TMEM132C: variants seen among roughly 807,000 people sequenced by gnomAD.
TMEM132C encodes the protein protein phosphatase 1, regulatory subunit 152.
A neutral mutation model predicts 61.4 loss-of-function variants in TMEM132C; 29 were observed. That is an observed-to-expected ratio of 0.47 (90% CI 0.35 to 0.64). TMEM132C has a LOEUF of 0.64. Ranked by LOEUF, TMEM132C falls within the 30% of genes least tolerant of loss-of-function variation. The pLI is 0.00. For synonymous variants in TMEM132C, 656 were observed against 633.1 expected, an observed-to-expected ratio of 1.04 and a Z score of -0.54; for missense variants, 1,408 against 1,476.9, an observed-to-expected ratio of 0.95 and a Z score of 0.76.
chr12:128,317,879 T>C (rs1468282915), intron 1 of TMEM132C, among the ~76,000 whole-genome samples: 3 of 152,196 alleles, frequency 2.0e-5, no homozygotes, highest in African/African-American at 7.2e-5. Flanking sequence ...TCCTGGGTGA[T>C]AGAGTGAGAT....
At position 128,536,933 on chromosome 12, in the gene TMEM132C, C is replaced by G. The variant is rs1386299269; in HGVS notation, c.975-7024C>G. Among the ~76,000 whole-genome samples, 5 of 152,124 alleles carry G rather than the reference C, an allele frequency of 3.3e-5. No homozygotes were observed. The East Asian group carries it at 9.6e-4, about 29-fold the overall frequency. On this transcript the variant is annotated intron_variant, in intron 2 of 8. Transcript: ENST00000435159. Reference sequence around the variant, plus strand: ...CAGGCTGGGAAGTGTAGCCTCCAGCCAGAAGCAAGAAACAAGCCATTCAGA... The same window carrying G: ...CAGGCTGGGAAGTGTAGCCTCCAGCGAGAAGCAAGAAACAAGCCATTCAGA...
intron 4 of TMEM132C, among the ~76,000 whole-genome samples, chr12:128,624,261 A>G (rs1222284762): frequency 2.6e-5 from 4 of 151,980 alleles, no homozygotes; most frequent in Non-Finnish European, 5.9e-5. Context: ...TAAAATAGGA[A>G]TAGGCCGAGT....
At chr12:128,360,657 C>T (rs564492494) in intron 1 of TMEM132C, among the ~76,000 whole-genome samples, 4 of 152,150 alleles carry the variant, frequency 2.6e-5, no homozygotes, top group South Asian at 2.1e-4. Flanking sequence ...ATAACTTGAC[C>T]GTGGTGAATG....
At chr12:128,371,861 G>T (rs1874037877) in intron 1 of TMEM132C, among the ~76,000 whole-genome samples, 1 of 152,168 alleles carries the variant, frequency 6.6e-6, no homozygotes, top group African/African-American at 2.4e-5. Context: ...TTACAGACAT[G>T]AGCCACTGCA....
Position 128,695,896 on chromosome 12 carries a change from C to T in TMEM132C, c.1722C>T (p.Tyr574=). ...ERRGRGCALQ[Y]QHATVRVLTQ... is the part of the protein sequence containing the mutation. ...GGGGCCGGGGCTGCGCACTGCAATA[C>T]CAGCACGCCACCGTGCGGGTCCTCA... Residue 574 remains tyrosine, a synonymous_variant, in exon 7 of 9, where the codon TAC becomes TAT. Transcript: ENST00000435159. 1 of 1,551,432 alleles carries T rather than the reference C, an allele frequency of 6.4e-7. No individual in the cohort carries two copies. The highest frequency in any genetic ancestry group is 8.7e-7 in the Non-Finnish European group (1 of 1,146,988).
At chr12:128,366,796 G>T (rs184110252) in intron 1 of TMEM132C, among the ~76,000 whole-genome samples, 1 of 152,172 alleles carries the variant, frequency 6.6e-6, no homozygotes, top group Non-Finnish European at 1.5e-5. Context: ...TATTAAGTAC[G>T]TCTTATGTGC....
chr12:128,270,950 A>G (rs893882272), intron 1 of TMEM132C, among the ~76,000 whole-genome samples: 5 of 152,042 alleles, frequency 3.3e-5, no homozygotes, highest in Admixed American at 1.3e-4. Context: ...AAAGGCTCCC[A>G]ACATTTAAAA....
intron 3 of TMEM132C, among the ~76,000 whole-genome samples, chr12:128,610,191 A>G (rs965482585): frequency 6.6e-6 from 1 of 152,222 alleles, no homozygotes; most frequent in Non-Finnish European, 1.5e-5. Context: ...AAATAAAGCC[A>G]AGCCTGGATC....
chr12:128,281,083 C>T (rs1261856468), intron 1 of TMEM132C, among the ~76,000 whole-genome samples: 1 of 152,198 alleles, frequency 6.6e-6, no homozygotes, highest in Non-Finnish European at 1.5e-5. Context: ...TCTCTTTCCT[C>T]CTCAGAAGTC....
intron 4 of TMEM132C, among the ~76,000 whole-genome samples, chr12:128,622,372 T>A (rs2398423): frequency 0.019 from 1,179 of 62,822 alleles, 55 homozygotes; most frequent in African/African-American, 0.091. Context: ...TATATATATA[T>A]ATATATATAT....
At chr12:128,607,655 A>G (rs1378931623) in intron 3 of TMEM132C, among the ~76,000 whole-genome samples, 1 of 152,218 alleles carries the variant, frequency 6.6e-6, no homozygotes, top group East Asian at 1.9e-4. Flanking sequence ...AGAGCATTCA[A>G]GAATGACTCC....
At chr12:128,623,902 GAA>G (rs999521320) in intron 4 of TMEM132C, among the ~76,000 whole-genome samples, 1 of 152,130 alleles carries the variant, frequency 6.6e-6, no homozygotes. Flanking sequence ...AGACGAAAGT[GAA>G]AAGAGTGGTG....
At chr12:128,576,337 G>A (rs938679016) in intron 3 of TMEM132C, among the ~76,000 whole-genome samples, 19 of 152,132 alleles carry the variant, frequency 1.2e-4, no homozygotes, top group Non-Finnish European at 2.5e-4. Context: ...CTTCTCTCCC[G>A]AAGCCCTTAA....
Position 128,626,131 on chromosome 12 carries a change from T to C in TMEM132C, c.1305+9796T>C, listed in dbSNP as rs201374109. The stretch of plus-strand genomic sequence containing the variant: ...GGTAACTGCATTTCTTTCTTTCTTT[T>C]TTTTTTTTTTAATGAGACAGAGTCT... On this transcript the variant is annotated intron_variant, in intron 4 of 8. Coordinates refer to ENST00000435159, the MANE Select transcript of TMEM132C (RefSeq NM_001136103.3). Among the ~76,000 whole-genome samples the C allele has an allele frequency of 6.5e-5, 9 of 137,982 alleles. No homozygotes were observed. The South Asian group carries it at 8.7e-4, about 13-fold the overall frequency. 90.5% of individuals were successfully genotyped at this position (137,982 alleles called of 152,430 possible).
At chr12:128,281,266 C>T (rs189429357) in intron 1 of TMEM132C, among the ~76,000 whole-genome samples, 37 of 152,248 alleles carry the variant, frequency 2.4e-4, no homozygotes, top group Admixed American at 3.9e-4. Context: ...AGAGGTGGCC[C>T]GAGTGCCAGT....
chr12:128,683,729 G>A (rs1954653052), intron 5 of TMEM132C, among the ~76,000 whole-genome samples: 1 of 152,136 alleles, frequency 6.6e-6, no homozygotes, highest in African/African-American at 2.4e-5. Flanking sequence ...CACTTTGGGG[G>A]GCCAAGGTGG....
rs564347974 is a variant in TMEM132C at position 128,447,787 on chromosome 12, C to T, written c.974+32167C>T. Among the ~76,000 whole-genome samples, 5 of 81,576 alleles carry T rather than the reference C, an allele frequency of 6.1e-5. 1 individual carries two copies. The highest frequency in any genetic ancestry group is 7.1e-4 in the South Asian group (2 of 2,802). 53.5% of individuals were successfully genotyped at this position (81,576 alleles called of 152,430 possible). ...CAGGCCGGACTGCGGACTGCAGTGG[C>T]GCAATCTCGGCTCACTGCAAGCTCC... On this transcript the variant is annotated intron_variant, in intron 2 of 8. Coordinates refer to ENST00000435159, the MANE Select transcript of TMEM132C (RefSeq NM_001136103.3).
chr12:128,705,827 G>C lies in TMEM132C; in HGVS notation c.2859G>C (p.Arg953Ser). 4 of 1,551,626 alleles carry C rather than the reference G, an allele frequency of 2.6e-6. No homozygotes were observed. Among genetic ancestry groups the C allele is most frequent in the Non-Finnish European group, 3.5e-6 (4 of 1,147,050 alleles). Residue 953 changes from arginine to serine, a missense_variant, in exon 9 of 9, where the codon AGG becomes AGC. By Grantham distance (110) the Arg-to-Ser change is moderately radical. Transcript: ENST00000435159. ...GCGCCACCTTTGCCCTGAAGTACAG[G>C]CACAAGCAAGTGCCCCTGGAAGGTC... is the stretch of plus-strand genomic sequence containing the variant. Reference protein sequence around the residue: ...INCATFALKYRHKQVPLEGQA... With the variant: ...INCATFALKYSHKQVPLEGQA...
intron 1 of TMEM132C, among the ~76,000 whole-genome samples, chr12:128,269,383 G>A (rs1870434289): frequency 2.7e-5 from 1 of 37,156 alleles, no homozygotes; most frequent in Admixed American, 2.3e-4. Context: ...TGTGTATCCA[G>A]AGGATTTTAC....
Sources: gnomAD v4.1 joint callset for allele counts (sites outside exome capture counted in the v4.1 genomes callset) on GRCh38, gnomAD v4.1.1 for gene constraint, MANE v1.5 for transcripts, NCBI Gene and HGNC (gene_info 2026-07-23, HGNC 2026-07-21) for gene names.